The following KCMF1 variants were observed in gnomAD, a reference collection of about 807,000 sequenced individuals.
KCMF1 encodes the protein E3 ubiquitin-protein ligase KCMF1.
KCMF1 carries 3 observed loss-of-function variants against 41.1 expected under a neutral mutation model. That is an observed-to-expected ratio of 0.07 (90% CI 0.03 to 0.19). The LOEUF (loss-of-function observed/expected upper bound fraction) is 0.19, where lower values mean the gene tolerates loss of function less well. Ranked by LOEUF, KCMF1 falls within the 10% of genes least tolerant of loss-of-function variation. The pLI is 1.00. For missense variants in KCMF1, 286 were observed against 488.9 expected (o/e 0.58, Z 3.91); for synonymous variants, 142 against 164.5 (o/e 0.86, Z 1.04).
At chr2:84,995,470 T>G (rs1404498954) in intron 1 of KCMF1, among the ~76,000 whole-genome samples, 1 of 152,226 alleles carries the variant, frequency 6.6e-6, no homozygotes, top group Non-Finnish European at 1.5e-5. Flanking sequence ...GTTATACTTC[T>G]TATTACATCA....
chr2:85,046,681 C>G (rs990215397), intron 5 of KCMF1, among the ~76,000 whole-genome samples: 3 of 151,876 alleles, frequency 2.0e-5, no homozygotes, highest in African/African-American at 7.3e-5. Flanking sequence ...AGTCTCACCT[C>G]TCTGATCATA....
chr2:85,000,886 C>G (rs979829233), intron 1 of KCMF1, among the ~76,000 whole-genome samples: 1 of 150,882 alleles, frequency 6.6e-6, no homozygotes. Context: ...TCAAGCAATC[C>G]TCCCACCTCA....
At chr2:85,019,402 CT>C (rs966623733) in intron 1 of KCMF1, among the ~76,000 whole-genome samples, 11 of 152,124 alleles carry the variant, frequency 7.2e-5, no homozygotes, top group Admixed American at 7.2e-4. Flanking sequence ...CTGAAAAAGC[CT>C]GTGCTTCTGT....
At chr2:85,048,439 G>C (rs1675724206) in intron 5 of KCMF1, among the ~76,000 whole-genome samples, 1 of 152,150 alleles carries the variant, frequency 6.6e-6, no homozygotes, top group Admixed American at 6.5e-5. Flanking sequence ...TTCCATGAAA[G>C]AGTGGTATAA....
intron 1 of KCMF1, among the ~76,000 whole-genome samples, chr2:84,973,725 AC>A: frequency 6.6e-6 from 1 of 150,818 alleles, no homozygotes; most frequent in Non-Finnish European, 1.5e-5. Context: ...AGTGTTTGGC[AC>A]CCTTGCTATT....
At chr2:85,043,879 C>T (rs984671443) in intron 4 of KCMF1, among the ~76,000 whole-genome samples, 5 of 152,038 alleles carry the variant, frequency 3.3e-5, no homozygotes, top group African/African-American at 1.2e-4. Context: ...TTTTAAGGAT[C>T]ATATCCCCCA....
chr2:85,017,630 A>G (rs1176071979), intron 1 of KCMF1, among the ~76,000 whole-genome samples: 1 of 149,484 alleles, frequency 6.7e-6, no homozygotes, highest in Non-Finnish European at 1.5e-5. Context: ...CAAGTGCTAT[A>G]TAATCCCAGG....
intron 1 of KCMF1, among the ~76,000 whole-genome samples, chr2:84,981,271 G>C (rs1043480061): frequency 6.6e-6 from 1 of 151,152 alleles, no homozygotes; most frequent in South Asian, 2.1e-4. Context: ...CTCACTGCAA[G>C]CTCCGCCTCC....
chr2:85,041,809 T>C (rs1675545218), intron 3 of KCMF1, among the ~76,000 whole-genome samples: 1 of 150,832 alleles, frequency 6.6e-6, no homozygotes, highest in Admixed American at 6.6e-5. Context: ...GGCCGGAGTT[T>C]AAAACCAAAG....
At chr2:84,976,628 T>TAAA (rs546103210) in intron 1 of KCMF1, among the ~76,000 whole-genome samples, 2 of 136,466 alleles carry the variant, frequency 1.5e-5, no homozygotes, top group African/African-American at 5.4e-5. Context: ...CCTATTTCTT[T>TAAA]AAAAAAAAAA....
At chr2:85,022,867 A>C (rs1222486418) in intron 1 of KCMF1, among the ~76,000 whole-genome samples, 1 of 149,264 alleles carries the variant, frequency 6.7e-6, no homozygotes, top group Non-Finnish European at 1.5e-5. Context: ...CTGGTTTTCA[A>C]CTTTATACTG....
chr2:85,049,594 C>T lies in KCMF1; in HGVS notation c.830C>T (p.Ala277Val). The change falls in exon 6 of 7, where the codon GCT becomes GTT. Residue 277 changes from alanine to valine, a missense_variant. Transcript: ENST00000409785. Reference protein sequence around the residue: ...ITQSTATTNIANTESSQQTLQ... With the variant: ...ITQSTATTNIVNTESSQQTLQ... The stretch of plus-strand genomic sequence containing the variant: ...CAATCCACAGCAACAACCAACATAG[C>T]TAATACAGAAAGCAGTCAGCAGACT... The T allele has an allele frequency of 3.1e-6, 5 of 1,613,892 alleles. No homozygotes were observed. The highest frequency in any genetic ancestry group is 4.2e-6 in the Non-Finnish European group (5 of 1,179,816).
rs1000849255 is a variant in KCMF1, at chr2:85,056,020, A to G, written c.*2611A>G. The G allele has an allele frequency of 2.6e-5, 4 of 152,166 alleles. No individual in the cohort carries two copies. Among genetic ancestry groups the G allele is most frequent in the Non-Finnish European group, 5.9e-5 (4 of 68,028 alleles). 9.4% of individuals were successfully genotyped at this position (152,166 alleles called of 1,614,324 possible). ...TAATTTCAGCTCTGAACAAGTAGAAATAACTGTGCTTCCTTGTATGGCTGC... is the reference window on the plus strand; with the variant it reads ...TAATTTCAGCTCTGAACAAGTAGAAGTAACTGTGCTTCCTTGTATGGCTGC... On this transcript the variant is annotated 3_prime_UTR_variant, in exon 7 of 7. Transcript: ENST00000409785.
intron 1 of KCMF1, among the ~76,000 whole-genome samples, chr2:85,000,838 G>C (rs1484712734): frequency 6.7e-6 from 1 of 148,514 alleles, no homozygotes; most frequent in South Asian, 2.1e-4. Context: ...GAGTGTAGTG[G>C]CACGATCATA....
intron 5 of KCMF1, among the ~76,000 whole-genome samples, chr2:85,048,283 C>T (rs1161760421): frequency 1.3e-5 from 2 of 152,006 alleles, no homozygotes; most frequent in African/African-American, 4.8e-5. Flanking sequence ...TTTCTTCATC[C>T]AAAGGGAATA....
chr2:84,978,778 C>T (rs570522026), intron 1 of KCMF1, among the ~76,000 whole-genome samples: 13 of 151,852 alleles, frequency 8.6e-5, no homozygotes, highest in African/African-American at 1.2e-4. Context: ...TGCAATGGCG[C>T]GATCTCAGCT....
intron 1 of KCMF1, among the ~76,000 whole-genome samples, chr2:84,998,215 C>T (rs954725462): frequency 1.3e-5 from 2 of 151,990 alleles, no homozygotes; most frequent in Non-Finnish European, 2.9e-5. Flanking sequence ...CCTCAGCCTC[C>T]CGAGTAGCTG....
chr2:85,017,046 C>T, intron 1 of KCMF1, among the ~76,000 whole-genome samples: 1 of 120,294 alleles, frequency 8.3e-6, no homozygotes, highest in Non-Finnish European at 1.6e-5. Flanking sequence ...GAGATGGAGT[C>T]TCGCTCTGTC....
chr2:84,979,743 T>C (rs1673655653), intron 1 of KCMF1, among the ~76,000 whole-genome samples: 1 of 152,168 alleles, frequency 6.6e-6, no homozygotes, highest in African/African-American at 2.4e-5. Context: ...ATAAGGTATT[T>C]TTTCAGTCTT....
Sources: gnomAD v4.1 joint callset for allele counts (sites outside exome capture counted in the v4.1 genomes callset) on GRCh38, gnomAD v4.1.1 for gene constraint, MANE v1.5 for transcripts, NCBI Gene and HGNC (gene_info 2026-07-23, HGNC 2026-07-21) for gene names.